PSD3: variants seen among roughly 807,000 people sequenced by gnomAD.
PSD3 encodes PH and SEC7 domain-containing protein 3.
Under a neutral mutation model 105.5 loss-of-function variants are expected in PSD3, and 49 were observed. The observed-to-expected ratio is 0.46, with a 90% CI of 0.37 to 0.59. The LOEUF is 0.59. Ranked by LOEUF, PSD3 falls within the 20% of genes least tolerant of loss-of-function variation. PSD3 has a pLI of 0.00. For missense variants in PSD3, 1,561 were observed against 1,263.8 expected (o/e 1.24, Z -3.57); for synonymous variants, 557 against 457.8 (o/e 1.22, Z -2.77).
At chr8:19,058,293 G>C (rs556456897) in intron 1 of PSD3, among the ~76,000 whole-genome samples, 1 of 151,878 alleles carries the variant, frequency 6.6e-6, no homozygotes, top group African/African-American at 2.4e-5. Flanking sequence ...TGGGTGGGGA[G>C]AAAGTATAAG....
chr8:18,931,773 C>T (rs1159657682), intron 2 of PSD3, among the ~76,000 whole-genome samples: 1 of 152,170 alleles, frequency 6.6e-6, no homozygotes, highest in Admixed American at 6.5e-5. Context: ...CCGAAGGCCT[C>T]CCTCAGAGCC....
rs758451667 is a variant in PSD3, at chr8:18,706,803, C to A, written c.2173-51118G>T. Among the ~76,000 whole-genome samples the A allele has an allele frequency of 1.0e-3, 157 of 152,290 alleles. 1 individual carries two copies. The highest frequency in any genetic ancestry group is 2.8e-4 in the Non-Finnish European group (19 of 68,022). ...TAGCTTCCTTTGTCCTGATGCCACA[C>A]CAGCTAAGCAACCTTCTGAGTATAC... On this transcript the variant is annotated intron_variant, in intron 9 of 15. Coordinates refer to ENST00000327040, the MANE Select transcript of PSD3 (RefSeq NM_015310.4).
intron 15 of PSD3, among the ~76,000 whole-genome samples, chr8:18,541,448 C>A (rs1800145571): frequency 1.3e-5 from 2 of 152,188 alleles, no homozygotes; most frequent in African/African-American, 4.8e-5. Flanking sequence ...ATTCAGGATC[C>A]TCTGGGAACA....
At chr8:19,062,134 T>C (rs567224161) in intron 1 of PSD3, among the ~76,000 whole-genome samples, 393 of 152,266 alleles carry the variant, frequency 2.6e-3, no homozygotes, top group African/African-American at 9.2e-3. Context: ...CAATCAATGG[T>C]TTAAATATTC....
intron 2 of PSD3, among the ~76,000 whole-genome samples, chr8:18,913,731 T>C (rs1473453516): frequency 3.3e-5 from 5 of 151,854 alleles, no homozygotes; most frequent in Non-Finnish European, 5.9e-5. Flanking sequence ...CTGGCCTTCA[T>C]GGACTCAGGA....
intron 8 of PSD3, among the ~76,000 whole-genome samples, chr8:18,789,880 A>C (rs1809532770): frequency 1.3e-5 from 2 of 152,226 alleles, no homozygotes; most frequent in African/African-American, 4.8e-5. Context: ...TTCCTTGATC[A>C]CGTTCTATAA....
At chr8:18,930,651 C>T (rs1421037303) in intron 2 of PSD3, among the ~76,000 whole-genome samples, 1 of 151,320 alleles carries the variant, frequency 6.6e-6, no homozygotes, top group African/African-American at 2.4e-5. Context: ...CTCACTGCAA[C>T]CCCCACCTCC....
At chr8:18,993,123 GA>G (rs1563493376) in intron 1 of PSD3, among the ~76,000 whole-genome samples, 1 of 152,008 alleles carries the variant, frequency 6.6e-6, no homozygotes, top group East Asian at 1.9e-4. Flanking sequence ...TCCAAAATAA[GA>G]AAATCTTGTA....
chr8:18,541,157 G>GA (rs5889803), intron 15 of PSD3, among the ~76,000 whole-genome samples: 4,670 of 139,354 alleles, frequency 0.034, 86 homozygotes, highest in East Asian at 0.087. Context: ...TATTTTACTT[G>GA]AAAAAAAAAA....
chr8:18,530,452 G>A lies in PSD3; in HGVS notation c.*5291C>T, dbSNP rs759966526. On this transcript the variant is annotated 3_prime_UTR_variant, in exon 16 of 16. Transcript: ENST00000327040. ...GCTTGTGATATTTCTTCCAAGTCAA[G>A]CGAGTACGGATGCGGCACCACGAGA... 7 of 152,578 alleles carry A rather than the reference G, an allele frequency of 4.6e-5. No individual in the cohort carries two copies. Among genetic ancestry groups the A allele is most frequent in the Non-Finnish European group, 8.8e-5 (6 of 68,044 alleles). 9.5% of individuals were successfully genotyped at this position (152,578 alleles called of 1,614,324 possible). A position where few individuals can be genotyped will look rare whatever the true frequency, so the allele number is the denominator to read the frequency against.
chr8:18,726,542 T>A (rs1304531284), intron 9 of PSD3, among the ~76,000 whole-genome samples: 1 of 152,222 alleles, frequency 6.6e-6, no homozygotes, highest in Non-Finnish European at 1.5e-5. Context: ...TACCTAGAAC[T>A]AGGCCCAAAT....
At chr8:18,793,833 G>C (rs1281343160) in intron 8 of PSD3, among the ~76,000 whole-genome samples, 1 of 152,178 alleles carries the variant, frequency 6.6e-6, no homozygotes, top group Non-Finnish European at 1.5e-5. Context: ...AGTTACAATA[G>C]TGATCATTAC....
intron 14 of PSD3, among the ~76,000 whole-genome samples, chr8:18,558,358 G>A (rs1388419621): frequency 6.6e-6 from 1 of 152,010 alleles, no homozygotes; most frequent in East Asian, 1.9e-4. Flanking sequence ...TCTAAAAAAA[G>A]TTTTAAATAT....
At chr8:18,883,732 AC>A in intron 2 of PSD3, among the ~76,000 whole-genome samples, 1 of 152,308 alleles carries the variant, frequency 6.6e-6, no homozygotes, top group South Asian at 2.1e-4. Context: ...ATAGAAATGT[AC>A]GGGGAAATTC....
chr8:19,032,106 C>A (rs759404336), intron 1 of PSD3, among the ~76,000 whole-genome samples: 5 of 152,128 alleles, frequency 3.3e-5, no homozygotes, highest in Admixed American at 6.6e-5. Flanking sequence ...AATCTGAAAC[C>A]AATGGACCCT....
intron 1 of PSD3, among the ~76,000 whole-genome samples, chr8:18,991,939 G>A (rs1417923994): frequency 4.6e-5 from 7 of 152,062 alleles, no homozygotes; most frequent in African/African-American, 7.2e-5. Flanking sequence ...ACACTCCTAC[G>A]TAACAAGTTT....
At chr8:18,598,713 C>G (rs1804221433) in intron 12 of PSD3, among the ~76,000 whole-genome samples, 1 of 151,982 alleles carries the variant, frequency 6.6e-6, no homozygotes, top group South Asian at 2.1e-4. Context: ...TTGCAGGATA[C>G]AAAATCAACC....
chr8:18,749,055 T>C (rs1407187679), intron 9 of PSD3, among the ~76,000 whole-genome samples: 6 of 152,196 alleles, frequency 3.9e-5, no homozygotes, highest in Non-Finnish European at 1.5e-5. Flanking sequence ...CACACAACTG[T>C]CTTAGTCCTT....
intron 2 of PSD3, among the ~76,000 whole-genome samples, chr8:18,932,535 C>G (rs569966240): frequency 5.8e-4 from 89 of 152,352 alleles, no homozygotes; most frequent in African/African-American, 2.1e-3. Context: ...ACTAAGAGGA[C>G]TGCACTAAAG....
Sources: gnomAD v4.1 joint callset for allele counts (sites outside exome capture counted in the v4.1 genomes callset) on GRCh38, gnomAD v4.1.1 for gene constraint, MANE v1.5 for transcripts, NCBI Gene and HGNC (gene_info 2026-07-23, HGNC 2026-07-21) for gene names.